Variants in FBXO30 observed in about 807,000 individuals in gnomAD.
FBXO30 encodes F-box protein 30, also known as F-box only protein 30.
Under a neutral mutation model 58.1 loss-of-function variants are expected in FBXO30, and 21 were observed. The observed-to-expected ratio is 0.36, with a 90% CI of 0.26 to 0.52. FBXO30 has a LOEUF of 0.52. Among genes scored for constraint, FBXO30 ranks in the 20% least tolerant of loss-of-function variants. FBXO30 has a pLI of 0.93. For missense variants in FBXO30, 744 were observed against 897.3 expected, an observed-to-expected ratio of 0.83 and a Z score of 2.18; for synonymous variants, 309 against 312.4, an observed-to-expected ratio of 0.99 and a Z score of 0.11.
At chr6:145,811,222 A>G (rs980419797) in intron 1 of FBXO30, among the ~76,000 whole-genome samples, 10 of 152,364 alleles carry the variant, frequency 6.6e-5, no homozygotes, top group African/African-American at 2.4e-4. Context: ...AAAATAATGA[A>G]ATGGACAAAT....
Position 145,805,836 on chromosome 6 carries a change from G to A in FBXO30, c.570C>T (p.Thr190=). 6.2e-7 allele frequency: 1 copy of A among 1,613,972 alleles called. No individual in the cohort carries two copies. Among genetic ancestry groups the A allele is most frequent in the South Asian group, 1.1e-5 (1 of 91,080 alleles). Residue 190 remains threonine, a synonymous_variant, in exon 2 of 3, where the codon ACC becomes ACT. Coordinates refer to ENST00000237281, the MANE Select transcript of FBXO30 (RefSeq NM_032145.5). Reference sequence around the variant, plus strand: ...TATCCAAAGCAGCAGCCAAACTTCTGGTTGTTTCTACAGTAGCTTGATAAA... The same window carrying A: ...TATCCAAAGCAGCAGCCAAACTTCTAGTTGTTTCTACAGTAGCTTGATAAA... ...GALYQATVET[T]RSLAAALDIL...
rs1777891331 is a variant in FBXO30, at chr6:145,797,684, A to T, written c.*2422T>A. ...ATCTAGAAAAAAGAGTGAGAGAGGGAGAAGGGAAAGGGAGAGGGAGAAAGA... is the reference window on the plus strand; with the variant it reads ...ATCTAGAAAAAAGAGTGAGAGAGGGTGAAGGGAAAGGGAGAGGGAGAAAGA... On this transcript the variant is annotated 3_prime_UTR_variant, in exon 3 of 3. Coordinates refer to ENST00000237281, the MANE Select transcript of FBXO30 (RefSeq NM_032145.5). 1 of 152,056 alleles carries T rather than the reference A, an allele frequency of 6.6e-6. No homozygotes were observed. The highest frequency in any genetic ancestry group is 2.4e-5 in the African/African-American group (1 of 41,420). 9.4% of individuals were successfully genotyped at this position (152,056 alleles called of 1,614,324 possible).
Position 145,798,253 on chromosome 6 carries a change from T to C in FBXO30, c.*1853A>G, listed in dbSNP as rs1777903794. The C allele has an allele frequency of 6.6e-6, 1 of 152,036 alleles. No homozygotes were observed. The highest frequency in any genetic ancestry group is 2.1e-4 in the South Asian group (1 of 4,822). The allele number at this position is 152,036 out of a possible 1,614,324, so 9.4% of individuals were successfully genotyped here. On this transcript the variant is annotated 3_prime_UTR_variant, in exon 3 of 3. Transcript: ENST00000237281. Reference sequence around the variant, plus strand: ...CAAATGTTTCACAAAGAAAACATTTTAACAAAATGGTATGGTGGCATAACA... The same window carrying C: ...CAAATGTTTCACAAAGAAAACATTTCAACAAAATGGTATGGTGGCATAACA...
Position 145,796,103 on chromosome 6 carries a change from A to G in FBXO30, c.*4003T>C, listed in dbSNP as rs1479252081. On this transcript the variant is annotated 3_prime_UTR_variant, in exon 3 of 3. Transcript: ENST00000237281. ...TATGTAAGGACATAATTCTCTCTCA[A>G]ATATCCCAGTACACTAATCACTGCC... 3.9e-5 allele frequency: 6 copies of G among 151,924 alleles called. No individual in the cohort carries two copies. Among genetic ancestry groups the G allele is most frequent in the Non-Finnish European group, 4.4e-5 (3 of 67,868 alleles). The allele number at this position is 151,924 out of a possible 1,614,324, so 9.4% of individuals were successfully genotyped here. A position where few individuals can be genotyped will look rare whatever the true frequency, so the allele number is the denominator to read the frequency against.
At position 145,799,296 on chromosome 6, in the gene FBXO30, C is replaced by A. The variant is rs1291478869; in HGVS notation, c.*810G>T. The A allele has an allele frequency of 1.3e-5, 2 of 152,330 alleles. No homozygotes were observed. The highest frequency in any genetic ancestry group is 2.9e-5 in the Non-Finnish European group (2 of 67,950). The allele number at this position is 152,330 out of a possible 1,614,324, so 9.4% of individuals were successfully genotyped here. A position where few individuals can be genotyped will look rare whatever the true frequency, so the allele number is the denominator to read the frequency against. On this transcript the variant is annotated 3_prime_UTR_variant, in exon 3 of 3. Coordinates refer to ENST00000237281, the MANE Select transcript of FBXO30 (RefSeq NM_032145.5). Reference sequence around the variant, plus strand: ...TTTACACAATACGCCCAATTCAAACCTAAATGAGGTATATTTTCTTTTAAA... The same window carrying A: ...TTTACACAATACGCCCAATTCAAACATAAATGAGGTATATTTTCTTTTAAA...
Position 145,805,324 on chromosome 6 carries a change from C to A in FBXO30, c.1082G>T (p.Gly361Val). 1.9e-6 allele frequency: 3 copies of A among 1,614,132 alleles called. No individual in the cohort carries two copies. Among genetic ancestry groups the A allele is most frequent in the Non-Finnish European group, 1.7e-6 (2 of 1,179,998 alleles). Residue 361 changes from glycine (G) to valine (V), a missense_variant, in exon 2 of 3, where the codon GGT becomes GTT. Physicochemically the swap from Gly to Val is moderately radical, Grantham distance 109 (BLOSUM62 -3). Around this residue, in one of 3 missense-constraint regions of FBXO30, gnomAD observed 275 missense variants for 262.0 expected, o/e 1.05. Transcript: ENST00000237281. The part of the protein sequence containing the change: ...VQHILMPDDE[G>V]EGELCWKKVD... ...TTTTTTCCAACACAATTCACCTTCA[C>A]CTTCATCATCTGGCATGAGGATATG...
chr6:145,795,733 G>A lies in FBXO30; in HGVS notation c.*4373C>T, dbSNP rs1439746938. On this transcript the variant is annotated 3_prime_UTR_variant, in exon 3 of 3. Transcript: ENST00000237281. ...GAATACAAAATGCCAGTTTTGAAATGTGCTAAGGTAACAAAGCACCTCAAG... is the reference window on the plus strand; with the variant it reads ...GAATACAAAATGCCAGTTTTGAAATATGCTAAGGTAACAAAGCACCTCAAG... The A allele has an allele frequency of 6.6e-6, 1 of 151,804 alleles. No individual in the cohort carries two copies. Among genetic ancestry groups the A allele is most frequent in the Non-Finnish European group, 1.5e-5 (1 of 67,816 alleles). 9.4% of individuals were successfully genotyped at this position (151,804 alleles called of 1,614,324 possible). A position where few individuals can be genotyped will look rare whatever the true frequency, so the allele number is the denominator to read the frequency against.
Position 145,805,772 on chromosome 6 carries a change from T to C in FBXO30, c.634A>G (p.Thr212Ala), listed in dbSNP as rs1350511426. 1.9e-6 allele frequency: 3 copies of C among 1,614,120 alleles called. No individual in the cohort carries two copies. Among genetic ancestry groups the C allele is most frequent in the African/African-American group, 1.3e-5 (1 of 75,056 alleles). ...TATRDIGMLN[T>A]SVPNDMDEQQ... ...TCATCCATGTCATTTGGGACACTTG[T>C]ATTTAACATGCCAATGTCTCTTGTA... The change falls in exon 2 of 3, where the codon ACA (threonine) becomes GCA (alanine). Residue 212 changes from threonine to alanine, a missense_variant. Physicochemically the swap from Thr to Ala is moderately conservative, Grantham distance 58 (BLOSUM62 0). This residue lies in a region of FBXO30 where 275 missense variants were observed against 262.0 expected (regional missense o/e 1.05). Transcript: ENST00000237281.
At chr6:145,801,019 C>A (rs536719189) in intron 2 of FBXO30, among the ~76,000 whole-genome samples, 2 of 152,230 alleles carry the variant, frequency 1.3e-5, no homozygotes, top group South Asian at 4.2e-4. Flanking sequence ...TTAGCTACTT[C>A]CCTTTTTGTC....
At position 145,806,251 on chromosome 6, in the gene FBXO30, A is replaced by G. The variant is rs1309857178; in HGVS notation, c.155T>C (p.Leu52Ser). The change falls in exon 2 of 3, where the codon TTA becomes TCA. Residue 52 changes from leucine to serine, a missense_variant. This residue lies in a region of FBXO30 where 135 missense variants were observed against 201.6 expected (regional missense o/e 0.67). Transcript: ENST00000237281. The stretch of plus-strand genomic sequence containing the variant: ...GCAAGGCACTCGTTCAAATGGACAT[A>G]AAAGTCGATGCTCATCAGCTTTACA... ...HSCKADEHRL[L>S]CPFERVPCLN... is the part of the protein sequence containing the mutation. 1.2e-6 allele frequency: 2 copies of G among 1,614,100 alleles called. No individual in the cohort carries two copies. Among genetic ancestry groups the G allele is most frequent in the South Asian group, 1.1e-5 (1 of 91,084 alleles).
At position 145,798,014 on chromosome 6, in the gene FBXO30, G is replaced by A. The variant is rs1358879519; in HGVS notation, c.*2092C>T. On this transcript the variant is annotated 3_prime_UTR_variant, in exon 3 of 3. Transcript: ENST00000237281. ...GATCAGAGAAAGCTAACTAATGCGTGTCTCAAATTTTAAAAAAATTAAGGT... is the reference window on the plus strand; with the variant it reads ...GATCAGAGAAAGCTAACTAATGCGTATCTCAAATTTTAAAAAAATTAAGGT... 6.6e-6 allele frequency: 1 copy of A among 151,992 alleles called. No homozygotes were observed. Among genetic ancestry groups the A allele is most frequent in the Non-Finnish European group, 1.5e-5 (1 of 67,938 alleles). 9.4% of individuals were successfully genotyped at this position (151,992 alleles called of 1,614,324 possible).
At position 145,804,447 on chromosome 6, in the gene FBXO30, A is replaced by T. The variant is rs1251524124; in HGVS notation, c.1959T>A (p.Ser653=). 5.6e-6 allele frequency: 9 copies of T among 1,613,776 alleles called. No individual in the cohort carries two copies. Among genetic ancestry groups the T allele is most frequent in the Non-Finnish European group, 7.6e-6 (9 of 1,179,778 alleles). Residue 653 remains serine (S), a synonymous_variant, in exon 2 of 3, where the codon TCT becomes TCA. Coordinates refer to ENST00000237281, the MANE Select transcript of FBXO30 (RefSeq NM_032145.5). ...CCCACTGCAGTATGACCATGCCACG[A>T]GACTGAAGCAGGCTGCCACACACAT... The part of the protein sequence containing the change: ...MRDVCGSLLQ[S]RGMVILQWGK...
chr6:145,813,326 A>G (rs1778386607), intron 1 of FBXO30, among the ~76,000 whole-genome samples: 1 of 152,148 alleles, frequency 6.6e-6, no homozygotes, highest in Non-Finnish European at 1.5e-5. Flanking sequence ...GAATTAAAAA[A>G]AAAAAAAAAA....
At chr6:145,801,720 G>A (rs953999832) in intron 2 of FBXO30, among the ~76,000 whole-genome samples, 1 of 152,048 alleles carries the variant, frequency 6.6e-6, no homozygotes, top group African/African-American at 2.4e-5. Flanking sequence ...ACCCTTTATG[G>A]AGTGATTTTC....
At position 145,806,642 on chromosome 6, in the gene FBXO30, AT is replaced by A. The variant is rs764082428; in HGVS notation, c.-16-222del. Among the ~76,000 whole-genome samples the A allele has an allele frequency of 3.3e-5, 5 of 152,236 alleles. No homozygotes were observed. In the East Asian group the frequency reaches 9.6e-4, roughly 29 times the overall value. ...TAACAATTCAATACTGTAGAATGTC[AT>A]AACGGTTCATTTTTATATACTATAT... On this transcript the variant is annotated intron_variant, in intron 1 of 2. Coordinates refer to ENST00000237281, the MANE Select transcript of FBXO30 (RefSeq NM_032145.5).
intron 2 of FBXO30, among the ~76,000 whole-genome samples, chr6:145,803,006 A>T (rs1157664565): frequency 1.3e-5 from 2 of 152,086 alleles, no homozygotes; most frequent in African/African-American, 4.8e-5. Context: ...TGAGAAAGCT[A>T]TAGGATAATC....
intron 1 of FBXO30, among the ~76,000 whole-genome samples, chr6:145,810,400 A>G (rs918525850): frequency 6.6e-5 from 10 of 152,210 alleles, no homozygotes; most frequent in African/African-American, 2.2e-4. Context: ...AATTGCTTGT[A>G]AATCCTGTAA....
In FBXO30 at chr6:145,799,930, G is replaced by A. The variant is rs1218836158; in HGVS notation, c.*176C>T. On this transcript the variant is annotated 3_prime_UTR_variant, in exon 3 of 3. Transcript: ENST00000237281. Reference sequence around the variant, plus strand: ...AAATTTCACACATTTCAAACATTAAGGCAACTTTTTCCAACTAAACAGTAC... The same window carrying A: ...AAATTTCACACATTTCAAACATTAAAGCAACTTTTTCCAACTAAACAGTAC... The A allele has an allele frequency of 4.1e-6, 2 of 487,636 alleles. No homozygotes were observed. Among genetic ancestry groups the A allele is most frequent in the East Asian group, 7.2e-5 (2 of 27,870 alleles). The allele number at this position is 487,636 out of a possible 1,614,324, so 30.2% of individuals were successfully genotyped here. A position where few individuals can be genotyped will look rare whatever the true frequency, so the allele number is the denominator to read the frequency against.
At chr6:145,814,266 C>T (rs1330533484) in intron 1 of FBXO30, among the ~76,000 whole-genome samples, 3 of 152,196 alleles carry the variant, frequency 2.0e-5, no homozygotes, top group Non-Finnish European at 2.9e-5. Context: ...TTCGTCCCTT[C>T]CCAATACAAA....
Sources: allele counts gnomAD v4.1 joint callset (sites outside exome capture counted in the v4.1 genomes callset), GRCh38; gene constraint gnomAD v4.1.1; regional missense constraint gnomAD v4.1.1; transcripts MANE v1.5; gene names NCBI Gene and HGNC (gene_info 2026-07-23, HGNC 2026-07-21).